Variants in SLC8A1 observed in about 807,000 individuals in gnomAD.
The protein encoded by SLC8A1 is solute carrier family 8 member A1.
In SLC8A1, 18 loss-of-function variants were observed where a neutral mutation model predicts 68.3. That is an observed-to-expected ratio of 0.26 (90% confidence interval 0.18 to 0.39). The LOEUF (loss-of-function observed/expected upper bound fraction) is 0.39, where lower values mean the gene tolerates loss of function less well. Among genes scored for constraint, SLC8A1 ranks in the 10% least tolerant of loss-of-function variants. The probability of loss-of-function intolerance (pLI) is 1.00; values close to 1 mark genes in which losing one functional copy is unlikely to be tolerated. For missense variants in SLC8A1, 985 were observed against 1,156.7 expected, an observed-to-expected ratio of 0.85 and a Z score of 2.15; for synonymous variants, 475 against 415.5, an observed-to-expected ratio of 1.14 and a Z score of -1.74.
intron 2 of SLC8A1, among the ~76,000 whole-genome samples, chr2:40,305,703 T>G (rs1382166804): frequency 1.3e-5 from 2 of 152,202 alleles, no homozygotes; most frequent in Non-Finnish European, 2.9e-5. Context: ...ATTCCAAAGA[T>G]TAGCATCTAC....
At chr2:40,285,902 C>T (rs1261571877) in intron 2 of SLC8A1, among the ~76,000 whole-genome samples, 1 of 152,056 alleles carries the variant, frequency 6.6e-6, no homozygotes, top group Non-Finnish European at 1.5e-5. Context: ...GAGTATTTTG[C>T]CTGAAGTTCC....
At chr2:40,385,519 G>A (rs1415851117) in intron 2 of SLC8A1, among the ~76,000 whole-genome samples, 2 of 79,402 alleles carry the variant, frequency 2.5e-5, no homozygotes, top group East Asian at 2.5e-4. Flanking sequence ...TAATAAACAC[G>A]GGATAATGAT....
intron 2 of SLC8A1, among the ~76,000 whole-genome samples, chr2:40,260,746 T>G (rs1322762194): frequency 6.6e-6 from 1 of 151,984 alleles, no homozygotes; most frequent in Non-Finnish European, 1.5e-5. Flanking sequence ...ATGTGGTTTT[T>G]TTTTTTTTTA....
intron 2 of SLC8A1, among the ~76,000 whole-genome samples, chr2:40,194,607 T>C (rs1468554674): frequency 6.6e-6 from 1 of 151,858 alleles, no homozygotes; most frequent in Non-Finnish European, 1.5e-5. Context: ...CCACTTAATA[T>C]TGGAGGCAAA....
intron 1 of SLC8A1, among the ~76,000 whole-genome samples, chr2:40,499,700 A>G (rs1347634859): frequency 1.3e-5 from 2 of 151,990 alleles, no homozygotes; most frequent in African/African-American, 4.8e-5. Context: ...CTGGTTGGTT[A>G]TCGGACCAGC....
At chr2:40,180,642 A>G (rs1216303188) in intron 2 of SLC8A1, among the ~76,000 whole-genome samples, 1 of 152,198 alleles carries the variant, frequency 6.6e-6, no homozygotes, top group Non-Finnish European at 1.5e-5. Context: ...GGTACATCAA[A>G]CTGAAACCCC....
intron 2 of SLC8A1, among the ~76,000 whole-genome samples, chr2:40,240,437 G>T (rs537604820): frequency 6.6e-6 from 1 of 152,144 alleles, no homozygotes; most frequent in Non-Finnish European, 1.5e-5. Context: ...CAACACCACA[G>T]CTGGGAAATG....
chr2:40,207,858 C>G (rs1378426553), intron 2 of SLC8A1, among the ~76,000 whole-genome samples: 5 of 151,998 alleles, frequency 3.3e-5, no homozygotes, highest in Admixed American at 1.3e-4. Context: ...AGTTTGGAAC[C>G]TGTTTTACTT....
intron 2 of SLC8A1, among the ~76,000 whole-genome samples, chr2:40,339,741 T>C (rs553581161): frequency 1.3e-5 from 2 of 152,294 alleles, no homozygotes; most frequent in African/African-American, 4.8e-5. Flanking sequence ...GGAGTATGAG[T>C]TGGGCATTGT....
intron 2 of SLC8A1, among the ~76,000 whole-genome samples, chr2:40,246,994 C>CATGTTAAGAAACTTA (rs2061965626): frequency 6.6e-6 from 1 of 152,116 alleles, no homozygotes; most frequent in Non-Finnish European, 1.5e-5. Flanking sequence ...TCTTTTCTTA[C>CATGTTAAGAAACTTA]ATGTTAAGAA....
chr2:40,221,955 T>C (rs1021237315), intron 2 of SLC8A1, among the ~76,000 whole-genome samples: 2 of 152,170 alleles, frequency 1.3e-5, no homozygotes, highest in African/African-American at 4.8e-5. Context: ...CAAAGTAATT[T>C]ATAGATTCAA....
intron 2 of SLC8A1, among the ~76,000 whole-genome samples, chr2:40,305,606 T>A (rs2072422704): frequency 6.6e-6 from 1 of 152,188 alleles, no homozygotes; most frequent in Admixed American, 6.5e-5. Context: ...TCAATAAGTT[T>A]GTTAGATACA....
At chr2:40,471,571 C>T (rs895109318) in intron 1 of SLC8A1, among the ~76,000 whole-genome samples, 6 of 152,100 alleles carry the variant, frequency 3.9e-5, no homozygotes, top group African/African-American at 1.4e-4. Flanking sequence ...CACTGACTTG[C>T]TTTTGCTGCC....
chr2:40,372,420 A>G (rs1377015954), intron 2 of SLC8A1, among the ~76,000 whole-genome samples: 1 of 152,120 alleles, frequency 6.6e-6, no homozygotes, highest in East Asian at 1.9e-4. Context: ...TTTAAGTGGA[A>G]GCCACAAACT....
intron 2 of SLC8A1, chr2:40,251,917 C>G (rs1313871281): frequency 6.6e-6 from 1 of 150,942 alleles, no homozygotes; most frequent in African/African-American, 2.4e-5. Flanking sequence ...CGTGTAGATA[C>G]AAGTAGTCTC....
chr2:40,481,998 A>T (rs1366328712), intron 1 of SLC8A1, among the ~76,000 whole-genome samples: 1 of 152,176 alleles, frequency 6.6e-6, no homozygotes, highest in African/African-American at 2.4e-5. Context: ...TGATAAAAAC[A>T]GAGATTTGTA....
chr2:40,369,352 T>G (rs1184977354), intron 2 of SLC8A1, among the ~76,000 whole-genome samples: 1 of 152,098 alleles, frequency 6.6e-6, no homozygotes, highest in Non-Finnish European at 1.5e-5. Flanking sequence ...GTCTGCAACC[T>G]CAGTGTTCAG....
At chr2:40,149,863 A>G (rs188572924) in intron 6 of SLC8A1, among the ~76,000 whole-genome samples, 3 of 152,278 alleles carry the variant, frequency 2.0e-5, no homozygotes, top group Admixed American at 2.0e-4. Flanking sequence ...CATCACCAAG[A>G]AGCCCATTGG....
chr2:40,403,234 C>G (rs1689280083), intron 2 of SLC8A1, among the ~76,000 whole-genome samples: 1 of 152,198 alleles, frequency 6.6e-6, no homozygotes, highest in Admixed American at 6.5e-5. Flanking sequence ...TCACCTTATT[C>G]AAAAGCAAAC....
Sources: allele counts gnomAD v4.1 joint callset (sites outside exome capture counted in the v4.1 genomes callset), GRCh38; gene constraint gnomAD v4.1.1; transcripts MANE v1.5; gene names NCBI Gene and HGNC (gene_info 2026-07-23, HGNC 2026-07-21).